The following NTRK2 variants were observed in gnomAD, a reference collection of about 807,000 sequenced individuals.
The protein encoded by NTRK2 is neurotrophic receptor tyrosine kinase 2.
In NTRK2, 13 loss-of-function variants were observed where a neutral mutation model predicts 94.5. That is an observed-to-expected ratio of 0.14 (90% CI 0.09 to 0.22). The LOEUF (loss-of-function observed/expected upper bound fraction) is 0.22. Ranked by LOEUF, NTRK2 falls within the 10% of genes least tolerant of loss-of-function variation. The pLI, the probability that NTRK2 is intolerant of heterozygous loss-of-function variation, is 1.00. For missense variants in NTRK2, 639 were observed against 1,071.2 expected, an observed-to-expected ratio of 0.60 and a Z score of 5.63; for synonymous variants, 372 against 407.4, an observed-to-expected ratio of 0.91 and a Z score of 1.05.
rs576024144 is a variant in NTRK2 at position 84,758,630 on chromosome 9, A to T, written c.1396+6545A>T. Among the ~76,000 whole-genome samples, 3 of 152,260 alleles carry T rather than the reference A, an allele frequency of 2.0e-5. No individual in the cohort carries two copies. In the East Asian group the frequency reaches 5.8e-4, roughly 29 times the overall value. On this transcript the variant is annotated intron_variant, in intron 12 of 18. Transcript: ENST00000277120. ...AGTCTCAAACTCCCGACCTCAGGTG[A>T]TCCACCCGCCTCAGCCTCCCAAAGT...
At chr9:84,871,844 G>A in intron 14 of NTRK2, 2 of 1,613,608 alleles carry the variant, frequency 1.2e-6, no homozygotes, top group Non-Finnish European at 8.5e-7. Context: ...GGAGGCTCCT[G>A]TGTCACTGCA....
chr9:84,699,059 C>T (rs945975769), intron 2 of NTRK2, among the ~76,000 whole-genome samples: 9 of 146,038 alleles, frequency 6.2e-5, no homozygotes, highest in South Asian at 2.2e-4. Flanking sequence ...TTTTTTGAGA[C>T]GGAGTCTTGC....
At chr9:84,954,682 A>G (rs983513594) in intron 16 of NTRK2, among the ~76,000 whole-genome samples, 2 of 152,228 alleles carry the variant, frequency 1.3e-5, no homozygotes, top group Non-Finnish European at 2.9e-5. Flanking sequence ...TGAGAGAGCC[A>G]GGCGTAGCTT....
chr9:84,703,039 G>T (rs1386665008), intron 4 of NTRK2, among the ~76,000 whole-genome samples: 2 of 152,206 alleles, frequency 1.3e-5, no homozygotes, highest in Non-Finnish European at 2.9e-5. Context: ...TAGCTTGTTT[G>T]TTGCTAAATC....
intron 14 of NTRK2, chr9:84,873,501 C>T (rs941149816): frequency 3.5e-5 from 37 of 1,058,650 alleles, no homozygotes; most frequent in South Asian, 4.6e-5. Context: ...CTCAGTGCCA[C>T]GGCCCCCCCA....
intron 12 of NTRK2, among the ~76,000 whole-genome samples, chr9:84,826,933 G>T (rs1587539973): frequency 6.6e-6 from 1 of 152,304 alleles, no homozygotes; most frequent in East Asian, 1.9e-4. Flanking sequence ...CAGATCTGAA[G>T]CCTATCAGAA....
At chr9:84,690,592 G>A (rs372578052) in intron 2 of NTRK2, among the ~76,000 whole-genome samples, 10 of 151,766 alleles carry the variant, frequency 6.6e-5, no homozygotes, top group East Asian at 1.9e-4. Flanking sequence ...GGTGGCAGGC[G>A]CCTGTGGTCC....
At chr9:84,712,552 A>G (rs879516609) in intron 6 of NTRK2, among the ~76,000 whole-genome samples, 7 of 152,212 alleles carry the variant, frequency 4.6e-5, no homozygotes, top group Non-Finnish European at 1.0e-4. Flanking sequence ...ATGCTTTTCA[A>G]AAAGCAACAT....
intron 16 of NTRK2, among the ~76,000 whole-genome samples, chr9:84,949,237 G>GT (rs2078696419): frequency 6.6e-6 from 1 of 152,148 alleles, no homozygotes; most frequent in African/African-American, 2.4e-5. Flanking sequence ...AAGGAAGGAG[G>GT]TAAAAACATT....
At chr9:84,995,206 G>A (rs2133353919) in intron 17 of NTRK2, among the ~76,000 whole-genome samples, 1 of 152,260 alleles carries the variant, frequency 6.6e-6, no homozygotes, top group East Asian at 1.9e-4. Context: ...CTGCCAGCAT[G>A]TGCTGTAGAA....
intron 12 of NTRK2, among the ~76,000 whole-genome samples, chr9:84,777,175 G>A (rs2067131150): frequency 6.6e-6 from 1 of 152,176 alleles, no homozygotes; most frequent in African/African-American, 2.4e-5. Context: ...GGAAACAAGT[G>A]GGGTTGTGCA....
intron 17 of NTRK2, among the ~76,000 whole-genome samples, chr9:84,966,117 A>G (rs1240404925): frequency 1.3e-5 from 2 of 152,206 alleles, no homozygotes; most frequent in African/African-American, 2.4e-5. Context: ...ATTTGACTCC[A>G]TGAAGAGAAT....
chr9:84,858,808 AT>A (rs2075191257), intron 12 of NTRK2, among the ~76,000 whole-genome samples: 1 of 152,228 alleles, frequency 6.6e-6, no homozygotes, highest in Admixed American at 6.5e-5. Context: ...AATCCTAATT[AT>A]ACTGTTTTAA....
At position 84,692,468 on chromosome 9, in the gene NTRK2, C is replaced by CTTTTTTTT. The variant is rs71369138; in HGVS notation, c.213-9678_213-9671dup. Among the ~76,000 whole-genome samples the CTTTTTTTT allele has an allele frequency of 7.9e-3, 694 of 87,584 alleles. 1 individual carries two copies. The highest frequency in any genetic ancestry group is 0.01 in the Non-Finnish European group (465 of 46,466). The allele number at this position is 87,584 out of a possible 152,430, so 57.5% of individuals were successfully genotyped here. On this transcript the variant is annotated intron_variant, in intron 2 of 18. Transcript: ENST00000277120. ...TTTCTTTTCTTTTTTTTCTTTTTTT[C>CTTTTTTTT]TTTTTTTTTTTTTTTTTTTTGAGAC...
intron 17 of NTRK2, among the ~76,000 whole-genome samples, chr9:84,984,255 C>A (rs949967667): frequency 6.6e-6 from 1 of 152,024 alleles, no homozygotes. Flanking sequence ...GGCAGATTAC[C>A]TGAGGTCAGG....
intron 14 of NTRK2, among the ~76,000 whole-genome samples, chr9:84,926,076 T>C (rs2077754084): frequency 6.6e-6 from 1 of 151,904 alleles, no homozygotes; most frequent in African/African-American, 2.4e-5. Context: ...ATCCAGTCTC[T>C]TTCTTTCCCT....
At chr9:84,742,215 C>G (rs1415411525) in intron 10 of NTRK2, among the ~76,000 whole-genome samples, 1 of 152,148 alleles carries the variant, frequency 6.6e-6, no homozygotes, top group Non-Finnish European at 1.5e-5. Flanking sequence ...AACTAATTAC[C>G]TGTTTAAAAG....
intron 17 of NTRK2, among the ~76,000 whole-genome samples, chr9:84,970,646 C>T (rs1341194346): frequency 1.3e-5 from 2 of 152,120 alleles, no homozygotes; most frequent in South Asian, 2.1e-4. Context: ...TGAATTCAGC[C>T]CACATTACTC....
intron 14 of NTRK2, among the ~76,000 whole-genome samples, chr9:84,884,170 A>C (rs1335834861): frequency 6.6e-6 from 1 of 152,260 alleles, no homozygotes. Context: ...ACTTACTTTG[A>C]CATAAATAAG....
Sources: gnomAD v4.1 joint callset for allele counts (sites outside exome capture counted in the v4.1 genomes callset) on GRCh38, gnomAD v4.1.1 for gene constraint, MANE v1.5 for transcripts, NCBI Gene and HGNC (gene_info 2026-07-23, HGNC 2026-07-21) for gene names.